Variants in LMBR1 observed in about 807,000 individuals in gnomAD.
LMBR1 encodes limb region 1 protein homolog.
A neutral mutation model predicts 73.9 loss-of-function variants in LMBR1; 52 were observed. That is an observed-to-expected ratio of 0.70 (90% CI 0.56 to 0.89). The LOEUF is 0.89. Ranked by LOEUF, LMBR1 falls within the 40% of genes least tolerant of loss-of-function variation. The pLI is 0.00. For missense variants in LMBR1, 539 were observed against 579.8 expected, an observed-to-expected ratio of 0.93 and a Z score of 0.72; for synonymous variants, 215 against 209.4, an observed-to-expected ratio of 1.03 and a Z score of -0.23.
intron 5 of LMBR1, among the ~76,000 whole-genome samples, chr7:156,779,980 TA>T: frequency 6.6e-6 from 1 of 152,092 alleles, no homozygotes; most frequent in Admixed American, 6.6e-5. Context: ...TAAAAGCAGG[TA>T]TTAATTATTT....
intron 1 of LMBR1, among the ~76,000 whole-genome samples, chr7:156,888,179 G>A (rs944466801): frequency 6.6e-6 from 1 of 152,126 alleles, no homozygotes; most frequent in Admixed American, 6.5e-5. Context: ...GGGAGGCTGA[G>A]GCGGGCGAAT....
intron 15 of LMBR1, among the ~76,000 whole-genome samples, chr7:156,698,381 C>G (rs1205448046): frequency 3.3e-5 from 5 of 152,218 alleles, no homozygotes; most frequent in African/African-American, 1.2e-4. Context: ...AGTAGGGACT[C>G]CGTGTGGGGG....
chr7:156,684,201 T>C (rs765947139), intron 16 of LMBR1, 38 bp from the exon 17 acceptor site: 3 of 1,476,220 alleles, frequency 2.0e-6, no homozygotes, highest in South Asian at 1.1e-5. Flanking sequence ...AAATGATATA[T>C]TGCTGAGTGG....
chr7:156,874,706 C>T (rs1482020494), intron 1 of LMBR1, among the ~76,000 whole-genome samples: 1 of 152,180 alleles, frequency 6.6e-6, no homozygotes, highest in African/African-American at 2.4e-5. Flanking sequence ...ACAATCACTG[C>T]AGCTCGGCCC....
At chr7:156,758,301 T>C (rs773247222) in intron 8 of LMBR1, among the ~76,000 whole-genome samples, 54 of 152,276 alleles carry the variant, frequency 3.5e-4, no homozygotes, top group Non-Finnish European at 6.9e-4. Context: ...TGGATCAGAA[T>C]TGACAGTTTT....
chr7:156,879,349 AAAAC>A (rs1157350178), intron 1 of LMBR1, among the ~76,000 whole-genome samples: 1 of 152,318 alleles, frequency 6.6e-6, no homozygotes, highest in East Asian at 1.9e-4. Flanking sequence ...TAGCAAGAGA[AAAAC>A]AAACAATCCC....
chr7:156,798,067 C>T (rs1386226334), intron 4 of LMBR1, among the ~76,000 whole-genome samples: 3 of 152,028 alleles, frequency 2.0e-5, no homozygotes, highest in Non-Finnish European at 2.9e-5. Flanking sequence ...GAAGAGCATA[C>T]AGAACGATGG....
intron 4 of LMBR1, among the ~76,000 whole-genome samples, chr7:156,824,695 A>G (rs1835365130): frequency 6.6e-6 from 1 of 151,998 alleles, no homozygotes; most frequent in Non-Finnish European, 1.5e-5. Flanking sequence ...AACACCAAAA[A>G]TTAGCTTGGC....
chr7:156,806,596 TGC>T (rs1168367748), intron 4 of LMBR1, among the ~76,000 whole-genome samples: 1 of 139,744 alleles, frequency 7.2e-6, no homozygotes, highest in African/African-American at 2.7e-5. Flanking sequence ...TTTTTGTAGA[TGC>T]TTTTTTTTTT....
chr7:156,700,978 G>C (rs1339342220), intron 15 of LMBR1, among the ~76,000 whole-genome samples: 5 of 152,186 alleles, frequency 3.3e-5, no homozygotes, highest in African/African-American at 7.2e-5. Context: ...AGCAGCAAGA[G>C]AGAATGTGAG....
At position 156,669,044 on chromosome 7, in the gene LMBR1, G is replaced by A. The variant is rs1174610616; in HGVS notation, n.1110C>T. The A allele has an allele frequency of 6.6e-6, 1 of 152,210 alleles. No homozygotes were observed. The highest frequency in any genetic ancestry group is 1.5e-5 in the Non-Finnish European group (1 of 68,040). The allele number at this position is 152,210 out of a possible 1,614,324, so 9.4% of individuals were successfully genotyped here. ...TGATATTTGGTTACATAGGGTAAGT[G>A]GATAGTAAAATATAAATTAGACTCA... On this transcript the variant is annotated non_coding_transcript_exon_variant, in exon 5 of 5. Transcript: ENST00000430825. This position sits in a 1 kb window ranked among gnomAD's most constrained non-coding sequence, Gnocchi z 4.2.
intron 4 of LMBR1, among the ~76,000 whole-genome samples, chr7:156,804,333 AAAAAT>A (rs1338673594): frequency 6.6e-6 from 1 of 151,766 alleles, no homozygotes; most frequent in African/African-American, 2.4e-5. Flanking sequence ...TGTGGCTATT[AAAAAT>A]AAAATAGTCA....
intron 1 of LMBR1, among the ~76,000 whole-genome samples, chr7:156,883,644 G>A (rs867592251): frequency 1.3e-5 from 2 of 152,086 alleles, no homozygotes; most frequent in Non-Finnish European, 2.9e-5. Context: ...CTAAAATCAA[G>A]GCGTGAGCAA....
At chr7:156,852,039 A>G (rs1796305823) in intron 1 of LMBR1, among the ~76,000 whole-genome samples, 1 of 152,206 alleles carries the variant, frequency 6.6e-6, no homozygotes, top group Non-Finnish European at 1.5e-5. Flanking sequence ...CATTACTACT[A>G]CTAGCAACAA....
At position 156,680,555 on chromosome 7, in the gene LMBR1, C is replaced by T. The variant is rs924632670; in HGVS notation, c.*3523G>A. 6.6e-6 allele frequency: 1 copy of T among 152,302 alleles called. No individual in the cohort carries two copies. Among genetic ancestry groups the T allele is most frequent in the Non-Finnish European group, 1.5e-5 (1 of 68,190 alleles). The allele number at this position is 152,302 out of a possible 1,614,324, so 9.4% of individuals were successfully genotyped here. On this transcript the variant is annotated 3_prime_UTR_variant, in exon 17 of 17. Transcript: ENST00000353442. ...ACTCTGGGTTAAGCTGTCCAGACCA[C>T]AAGTAGGTGCTGTTCAGTCCTTTTA...
chr7:156,752,898 C>T (rs1009118113), intron 9 of LMBR1, among the ~76,000 whole-genome samples: 6 of 148,420 alleles, frequency 4.0e-5, no homozygotes, highest in East Asian at 2.0e-4. Context: ...TAAGAGTGTA[C>T]GCAGGGGACT....
In LMBR1 at chr7:156,685,861, G is replaced by A. The variant is rs1805902153; in HGVS notation, c.1388-1698C>T. On this transcript the variant is annotated intron_variant, in intron 16 of 16. Coordinates refer to ENST00000353442, the MANE Select transcript of LMBR1 (RefSeq NM_022458.4). The surrounding 1 kb of genome is among the most constrained non-coding windows in gnomAD (Gnocchi z 4.1). ...CTCCCTAAAATTTCACATGGTAACT[G>A]ACCTATTAGGCAGTTTTACATCACT... Among the ~76,000 whole-genome samples, 1 of 152,200 alleles carries A rather than the reference G, an allele frequency of 6.6e-6. No homozygotes were observed. The highest frequency in any genetic ancestry group is 6.5e-5 in the Admixed American group (1 of 15,290).
At chr7:156,800,482 C>CTAAAAAAAAAAA (rs1830757369) in intron 4 of LMBR1, among the ~76,000 whole-genome samples, 1 of 81,034 alleles carries the variant, frequency 1.2e-5, no homozygotes, top group African/African-American at 4.9e-5. Flanking sequence ...ACTTGCTACT[C>CTAAAAAAAAAAA]AAAAAAAAAA....
intron 1 of LMBR1, among the ~76,000 whole-genome samples, chr7:156,842,981 T>C (rs570819784): frequency 6.6e-6 from 1 of 152,302 alleles, no homozygotes; most frequent in South Asian, 2.1e-4. Flanking sequence ...CACTCACTCC[T>C]TCCAGCCACT....
Sources: gnomAD v4.1 joint callset for allele counts (sites outside exome capture counted in the v4.1 genomes callset) on GRCh38, gnomAD v4.1.1 for gene constraint, Gnocchi (gnomAD v3.1) non-coding constraint, MANE v1.5 for transcripts, NCBI Gene and HGNC (gene_info 2026-07-23, HGNC 2026-07-21) for gene names.